The following EYS variants were observed in gnomAD, a reference collection of about 807,000 sequenced individuals.
The protein encoded by EYS is EGF-like photoreceptor maintenance factor.
Under a neutral mutation model 282.1 loss-of-function variants are expected in EYS, and 250 were observed. The observed-to-expected ratio is 0.89, with a 90% CI of 0.80 to 0.98. The LOEUF is 0.98. Ranked by LOEUF, EYS falls within the 50% of genes least tolerant of loss-of-function variation. The pLI is 0.00. For missense variants in EYS, 4,016 were observed against 3,709.0 expected (o/e 1.08, Z -2.15); for synonymous variants, 1,355 against 1,282.9 (o/e 1.06, Z -1.20).
At chr6:64,129,657 G>C (rs9689138) in intron 31 of EYS, among the ~76,000 whole-genome samples, 40,676 of 151,884 alleles carry the variant, frequency 0.27, 5,581 homozygotes, top group East Asian at 0.42. Flanking sequence ...TGTCAATTTT[G>C]GCTTTTGTTG....
chr6:64,665,145 A>G (rs1769184766), intron 22 of EYS, among the ~76,000 whole-genome samples: 2 of 152,190 alleles, frequency 1.3e-5, no homozygotes, highest in South Asian at 4.1e-4. Context: ...GTTTTCCGAA[A>G]CTTTGTCCAC....
rs965755373 is a variant in EYS at position 65,702,600 on chromosome 6, G to A, written c.-448+4535C>T. 2.0e-5 allele frequency among the ~76,000 whole-genome samples: 3 copies of A among 152,186 alleles called. No individual in the cohort carries two copies. The South Asian group carries it at 6.2e-4, about 31-fold the overall frequency. On this transcript the variant is annotated intron_variant, in intron 1 of 42. Coordinates refer to ENST00000503581, the MANE Select transcript of EYS (RefSeq NM_001142800.2). ...CCAACTAATTGGGATGCAGAGGCAG[G>A]AGAATCGCTTGACCCTGGGAGGTGG...
chr6:65,362,179 T>A (rs955287870), intron 8 of EYS, among the ~76,000 whole-genome samples: 1 of 152,128 alleles, frequency 6.6e-6, no homozygotes, highest in African/African-American at 2.4e-5. Flanking sequence ...TAATCACTAT[T>A]ATTCAAGATC....
chr6:64,404,439 G>A (rs1773642762), intron 28 of EYS, among the ~76,000 whole-genome samples: 1 of 151,878 alleles, frequency 6.6e-6, no homozygotes, highest in African/African-American at 2.4e-5. Context: ...GCTTTTAAGA[G>A]GAAATAGGGA....
At chr6:64,336,438 T>C (rs909487239) in intron 29 of EYS, among the ~76,000 whole-genome samples, 1 of 152,048 alleles carries the variant, frequency 6.6e-6, no homozygotes, top group Non-Finnish European at 1.5e-5. Flanking sequence ...ATCCTTAACA[T>C]ACATGCACCG....
At chr6:64,602,480 A>G (rs972945419) in intron 24 of EYS, among the ~76,000 whole-genome samples, 1 of 152,086 alleles carries the variant, frequency 6.6e-6, no homozygotes, top group South Asian at 2.1e-4. Flanking sequence ...AATAAGGGCC[A>G]CATCATGTGA....
intron 23 of EYS, among the ~76,000 whole-genome samples, chr6:64,624,801 C>A (rs748364239): frequency 5.9e-5 from 9 of 152,048 alleles, no homozygotes; most frequent in Non-Finnish European, 1.3e-4. Flanking sequence ...GCCCAATAAC[C>A]AGAAGCCCAG....
intron 13 of EYS, among the ~76,000 whole-genome samples, chr6:65,042,570 A>G (rs2150149991): frequency 6.6e-6 from 1 of 151,472 alleles, no homozygotes; most frequent in Admixed American, 6.6e-5. Flanking sequence ...GCACTACTAC[A>G]CATATAAGAA....
At position 64,984,748 on chromosome 6, in the gene EYS, A is replaced by G. The variant is rs563899758; in HGVS notation, c.2259+12834T>C. Among the ~76,000 whole-genome samples, 100 of 151,522 alleles carry G rather than the reference A, an allele frequency of 6.6e-4. 1 individual carries two copies. Among genetic ancestry groups the G allele is most frequent in the African/African-American group, 2.3e-3 (94 of 41,452 alleles). ...TCTGCCTTACAGTGCAGCCAGGGACATATCTTCTTAGTGAACTTATTTCTG... is the reference window on the plus strand; with the variant it reads ...TCTGCCTTACAGTGCAGCCAGGGACGTATCTTCTTAGTGAACTTATTTCTG... On this transcript the variant is annotated intron_variant, in intron 14 of 42. Transcript: ENST00000503581.
chr6:64,590,787 C>T lies in EYS; in HGVS notation c.5080G>A (p.Val1694Ile). 6.5e-7 allele frequency: 1 copy of T among 1,550,008 alleles called. No homozygotes were observed. Among genetic ancestry groups the T allele is most frequent in the Non-Finnish European group, 8.7e-7 (1 of 1,145,808 alleles). The part of the protein sequence containing the change: ...TSKMTTDELS[V>I]SENILKLLKI... ...AATAGTTTTAAAATGTTTTCTGATA[C>T]TGACAGTTCATCAGTAGTCATTTTT... The change falls in exon 26 of 43, where the codon GTA becomes ATA. Residue 1694 changes from valine (V) to isoleucine (I), a missense_variant. By Grantham distance (29) the Val-to-Ile change is conservative. Coordinates refer to ENST00000503581, the MANE Select transcript of EYS (RefSeq NM_001142800.2).
chr6:64,974,562 G>A (rs2150112913), intron 14 of EYS, among the ~76,000 whole-genome samples: 1 of 151,790 alleles, frequency 6.6e-6, no homozygotes, highest in South Asian at 2.1e-4. Context: ...CAAATACAAT[G>A]TTTTTCTACA....
At chr6:64,938,485 C>T (rs1768984075) in intron 15 of EYS, among the ~76,000 whole-genome samples, 1 of 151,480 alleles carries the variant, frequency 6.6e-6, no homozygotes. Flanking sequence ...TAGAAAAATA[C>T]ATAATTTATA....
chr6:64,472,462 CAACT>C (rs1362780680), intron 26 of EYS, among the ~76,000 whole-genome samples: 2 of 152,188 alleles, frequency 1.3e-5, no homozygotes, highest in East Asian at 1.9e-4. Flanking sequence ...TTTATAAAAC[CAACT>C]GTTTCCCCCT....
chr6:64,477,984 C>A (rs1319677887), intron 26 of EYS, among the ~76,000 whole-genome samples: 1 of 152,024 alleles, frequency 6.6e-6, no homozygotes, highest in Non-Finnish European at 1.5e-5. Context: ...CCTGTCATTA[C>A]CATTCATCTC....
intron 22 of EYS, among the ~76,000 whole-genome samples, chr6:64,695,720 G>A (rs1203815346): frequency 1.3e-5 from 2 of 151,822 alleles, no homozygotes; most frequent in African/African-American, 2.4e-5. Flanking sequence ...AAGTAGCTGG[G>A]TTTACAGGCA....
At chr6:65,405,037 G>T in intron 6 of EYS, 137 bp downstream of exon 6, 1 of 607,962 alleles carries the variant, frequency 1.6e-6, no homozygotes, top group Non-Finnish European at 2.8e-6. Context: ...ATTAAAATAA[G>T]TAGACCGTTC....
chr6:65,130,457 C>T (rs1165626830), intron 12 of EYS, among the ~76,000 whole-genome samples: 1 of 151,830 alleles, frequency 6.6e-6, no homozygotes, highest in Admixed American at 6.6e-5. Flanking sequence ...AAAATCACAA[C>T]AGGGAATACG....
At chr6:64,725,817 C>T (rs1045008009) in intron 22 of EYS, among the ~76,000 whole-genome samples, 2 of 151,714 alleles carry the variant, frequency 1.3e-5, no homozygotes, top group Non-Finnish European at 1.5e-5. Flanking sequence ...TTTAATCAAG[C>T]TTTTTCCTTC....
At position 63,941,357 on chromosome 6, in the gene EYS, C is replaced by T. The variant is rs186197003; in HGVS notation, c.7055+43026G>A. ...CTCTCCAGCACCTGTTGTTTCCTGA[C>T]TTTTTAATGATCAGCATTCTAATTG... On this transcript the variant is annotated intron_variant, in intron 35 of 42. Transcript: ENST00000503581. 1.7e-3 allele frequency among the ~76,000 whole-genome samples: 252 copies of T among 152,222 alleles called. 3 individuals carry two copies. In the East Asian group the frequency reaches 0.041, roughly 25 times the overall value.
Sources: allele counts gnomAD v4.1 joint callset (sites outside exome capture counted in the v4.1 genomes callset), GRCh38; gene constraint gnomAD v4.1.1; transcripts MANE v1.5; gene names NCBI Gene and HGNC (gene_info 2026-07-23, HGNC 2026-07-21).